CMTM4: variants seen among roughly 807,000 people sequenced by gnomAD.
The protein encoded by CMTM4 is CKLF like MARVEL transmembrane domain containing 4, also known as CKLF-like MARVEL transmembrane domain-containing protein 4.
In CMTM4, 8 loss-of-function variants were observed where a neutral mutation model predicts 19.0. That is an observed-to-expected ratio of 0.42 (90% CI 0.25 to 0.76). CMTM4 has a LOEUF of 0.76. CMTM4 is among the 30% of genes least tolerant of loss of function. The pLI is 0.27. For synonymous variants in CMTM4, 106 were observed against 121.1 expected, an observed-to-expected ratio of 0.88 and a Z score of 0.82; for missense variants, 228 against 290.2, an observed-to-expected ratio of 0.79 and a Z score of 1.56.
chr16:66,680,512 T>C (rs529287026), intron 1 of CMTM4, among the ~76,000 whole-genome samples: 181 of 148,772 alleles, frequency 1.2e-3, no homozygotes, highest in Non-Finnish European at 7.9e-4. Flanking sequence ...TGGTGGCTCA[T>C]GCCTGTAATC....
At position 66,615,869 on chromosome 16, in the gene CMTM4, C is replaced by T. The variant is rs2015518387; in HGVS notation, c.*6189G>A. Reference sequence around the variant, plus strand: ...TTGTACTGTTTGAGGTGAGCAGTGGCTCCAAACTGAGCAAGTGGTTAAAAA... The same window carrying T: ...TTGTACTGTTTGAGGTGAGCAGTGGTTCCAAACTGAGCAAGTGGTTAAAAA... On this transcript the variant is annotated 3_prime_UTR_variant, in exon 4 of 4. Coordinates refer to ENST00000394106, the MANE Select transcript of CMTM4 (RefSeq NM_181521.3). This position sits in a 1 kb window ranked among gnomAD's most constrained non-coding sequence, Gnocchi z 4.9. 1 of 152,110 alleles carries T rather than the reference C, an allele frequency of 6.6e-6. No individual in the cohort carries two copies. The highest frequency in any genetic ancestry group is 2.1e-4 in the South Asian group (1 of 4,828). 9.4% of individuals were successfully genotyped at this position (152,110 alleles called of 1,614,324 possible).
intron 1 of CMTM4, among the ~76,000 whole-genome samples, chr16:66,668,749 A>C (rs1291523474): frequency 6.6e-6 from 1 of 152,164 alleles, no homozygotes; most frequent in Non-Finnish European, 1.5e-5. Context: ...ACTTGCTGGT[A>C]TTTATTTCTT....
chr16:66,610,060 G>A (rs983332712), downstream of CMTM4: 3 of 1,598,522 alleles, frequency 1.9e-6, no homozygotes, highest in East Asian at 2.2e-5. This position sits in a 1 kb window ranked among gnomAD's most constrained non-coding sequence, Gnocchi z 4.6. Flanking sequence ...GCCCTCCCTC[G>A]GGGATGCCAG....
intron 1 of CMTM4, among the ~76,000 whole-genome samples, chr16:66,648,248 T>C (rs963309035): frequency 2.0e-5 from 3 of 152,222 alleles, no homozygotes; most frequent in Non-Finnish European, 2.9e-5. Flanking sequence ...TGAGGACACA[T>C]GGGCTAGAAA....
chr16:66,682,374 GTTGT>G (rs1774066715), intron 1 of CMTM4, among the ~76,000 whole-genome samples: 1 of 151,278 alleles, frequency 6.6e-6, no homozygotes, highest in African/African-American at 2.4e-5. Context: ...TTGTTTCTGG[GTTGT>G]TTTTCTTTTT....
chr16:66,608,551 C>T, the CMTM4 span: 1 of 1,366,566 alleles, frequency 7.3e-7, no homozygotes, highest in Non-Finnish European at 1.0e-6. This position sits in a 1 kb window ranked among gnomAD's most constrained non-coding sequence, Gnocchi z 5.1. Flanking sequence ...GGCCCTTATC[C>T]TTTCTCTAGT....
chr16:66,670,717 C>G (rs981701264), intron 1 of CMTM4, among the ~76,000 whole-genome samples: 5 of 151,994 alleles, frequency 3.3e-5, no homozygotes. Flanking sequence ...GGAAAATCGC[C>G]TGAACCCAGG....
intron 1 of CMTM4, among the ~76,000 whole-genome samples, chr16:66,695,707 G>T (rs1253124194): frequency 6.6e-6 from 1 of 152,194 alleles, no homozygotes; most frequent in African/African-American, 2.4e-5. Flanking sequence ...ATTGGGCAGT[G>T]CCAGCCACCG....
the CMTM4 span, chr16:66,604,895 G>A: frequency 6.2e-6 from 9 of 1,447,012 alleles, no homozygotes; most frequent in Non-Finnish European, 8.1e-6. Context: ...TCCGCGCCCT[G>A]CTGCCGGCGC....
intron 1 of CMTM4, among the ~76,000 whole-genome samples, chr16:66,667,548 C>A (rs1044335322): frequency 6.6e-6 from 1 of 152,064 alleles, no homozygotes; most frequent in Non-Finnish European, 1.5e-5. Flanking sequence ...ATATCAGCTT[C>A]CCTTACATTA....
chr16:66,659,311 G>T (rs1302191106), intron 1 of CMTM4, among the ~76,000 whole-genome samples: 2 of 151,698 alleles, frequency 1.3e-5, no homozygotes, highest in Non-Finnish European at 2.9e-5. Flanking sequence ...AGAGGCGGAG[G>T]TTGCAGTGAG....
chr16:66,598,730 C>T, the CMTM4 span, among the ~76,000 whole-genome samples: 7 of 152,132 alleles, frequency 4.6e-5, no homozygotes, highest in Non-Finnish European at 1.0e-4. Flanking sequence ...ATCCACATTG[C>T]TTTGTTTATC....
chr16:66,638,812 A>G (rs1442259847), intron 1 of CMTM4, among the ~76,000 whole-genome samples: 1 of 152,090 alleles, frequency 6.6e-6, no homozygotes, highest in African/African-American at 2.4e-5. Context: ...GTGAGCTGAG[A>G]TCGTGCCACT....
At chr16:66,694,692 G>A (rs1457320579) in intron 1 of CMTM4, among the ~76,000 whole-genome samples, 6 of 129,170 alleles carry the variant, frequency 4.6e-5, no homozygotes, top group African/African-American at 1.5e-4. Flanking sequence ...CAGCCTGGGC[G>A]ACAGAGCTAG....
rs1156926537 is a variant in CMTM4 at position 66,692,279 on chromosome 16, G to A, written c.186+4061C>T. Among the ~76,000 whole-genome samples, 3 of 152,134 alleles carry A rather than the reference G, an allele frequency of 2.0e-5. No individual in the cohort carries two copies. The East Asian group carries it at 5.8e-4, about 29-fold the overall frequency. On this transcript the variant is annotated intron_variant, in intron 1 of 3. Coordinates refer to ENST00000394106, the MANE Select transcript of CMTM4 (RefSeq NM_181521.3). ...TAATTTTTTGTATTTTTGTAGAGATGTGGTTTCACCATGGTGGCCAGGCTA... is the reference window on the plus strand; with the variant it reads ...TAATTTTTTGTATTTTTGTAGAGATATGGTTTCACCATGGTGGCCAGGCTA...
the CMTM4 span, among the ~76,000 whole-genome samples, chr16:66,600,136 G>GTGTGGTTTTT: frequency 8.9e-5 from 12 of 135,164 alleles, no homozygotes; most frequent in African/African-American, 2.9e-4. Flanking sequence ...GTGTGTGTGT[G>GTGTGGTTTTT]TTTTTTTTTG....
rs746381126 is a variant in CMTM4, at chr16:66,618,854, G to A, written c.*3204C>T. 2 of 985,528 alleles carry A rather than the reference G, an allele frequency of 2.0e-6. No homozygotes were observed. Among genetic ancestry groups the A allele is most frequent in the Middle Eastern group, 5.2e-4 (1 of 1,914 alleles). 61.0% of individuals were successfully genotyped at this position (985,528 alleles called of 1,614,324 possible). A position where few individuals can be genotyped will look rare whatever the true frequency, so the allele number is the denominator to read the frequency against. ...ACAGGCGTGAGCCTTCCTGCCAGGG[G>A]ACAGTAACAGGGCCCGAAGGGCTGG... On this transcript the variant is annotated 3_prime_UTR_variant, in exon 4 of 4. Transcript: ENST00000394106.
chr16:66,611,223 C>T (rs565355997), downstream of CMTM4, among the ~76,000 whole-genome samples: 3 of 152,250 alleles, frequency 2.0e-5, no homozygotes, highest in South Asian at 4.1e-4. Flanking sequence ...GAGGCCGAGA[C>T]GGGTGGATCA....
chr16:66,667,577 T>C (rs1323435259), intron 1 of CMTM4, among the ~76,000 whole-genome samples: 1 of 152,130 alleles, frequency 6.6e-6, no homozygotes, highest in African/African-American at 2.4e-5. Context: ...TATTAACATA[T>C]GAACTTTACA....
Sources: allele counts gnomAD v4.1 joint callset (sites outside exome capture counted in the v4.1 genomes callset), GRCh38; gene constraint gnomAD v4.1.1; non-coding constraint Gnocchi (gnomAD v3.1); transcripts MANE v1.5; gene names NCBI Gene and HGNC (gene_info 2026-07-23, HGNC 2026-07-21).